The following LHFPL3 variants were observed in gnomAD, a reference collection of about 807,000 sequenced individuals.
LHFPL3 encodes the protein LHFPL tetraspan subfamily member 3, also known as LHFPL tetraspan subfamily member 3 protein.
A neutral mutation model predicts 19.3 loss-of-function variants in LHFPL3; 5 were observed. The ratio of observed to expected loss-of-function variants is 0.26; its 90% confidence interval spans 0.14 to 0.54. LHFPL3 has a LOEUF of 0.54. Among genes scored for constraint, LHFPL3 ranks in the 20% least tolerant of loss-of-function variants. The probability of loss-of-function intolerance (pLI) is 0.94; values close to 1 mark genes in which losing one functional copy is unlikely to be tolerated. For synonymous variants in LHFPL3, 133 were observed against 126.2 expected (o/e 1.05, Z -0.36); for missense variants, 249 against 307.4 (o/e 0.81, Z 1.42).
At chr7:104,407,395 G>A (rs1008193188) in intron 1 of LHFPL3, among the ~76,000 whole-genome samples, 1 of 152,220 alleles carries the variant, frequency 6.6e-6, no homozygotes, top group Non-Finnish European at 1.5e-5. Context: ...GGTGGCTCAT[G>A]CCTATAATCC....
chr7:104,348,479 A>G (rs1240865122), intron 1 of LHFPL3, among the ~76,000 whole-genome samples: 1 of 152,268 alleles, frequency 6.6e-6, no homozygotes, highest in African/African-American at 2.4e-5. Flanking sequence ...GTATATAAAT[A>G]TGGAATGACA....
intron 1 of LHFPL3, among the ~76,000 whole-genome samples, chr7:104,430,408 A>ATGTATATATATATATATATATG (rs1791955944): frequency 6.2e-5 from 2 of 32,510 alleles, no homozygotes; most frequent in Non-Finnish European, 9.7e-5. Context: ...ATATATACAT[A>ATGTATATATATATATATATATG]TATATATATA....
intron 1 of LHFPL3, among the ~76,000 whole-genome samples, chr7:104,679,439 G>A (rs1792652240): frequency 6.6e-6 from 1 of 152,232 alleles, no homozygotes; most frequent in Non-Finnish European, 1.5e-5. Flanking sequence ...TCATATTCAA[G>A]AGGTAGGGAG....
chr7:104,876,520 A>C, intron 2 of LHFPL3, among the ~76,000 whole-genome samples: 1 of 151,074 alleles, frequency 6.6e-6, no homozygotes, highest in Middle Eastern at 3.2e-3. Context: ...AAGACACATG[A>C]AAAAATGCTC....
chr7:104,495,876 C>A (rs985348480), intron 1 of LHFPL3, among the ~76,000 whole-genome samples: 1 of 152,204 alleles, frequency 6.6e-6, no homozygotes, highest in African/African-American at 2.4e-5. Context: ...ATGCTAGATA[C>A]TCTGTGTACA....
In LHFPL3 at chr7:104,608,085, C is replaced by T. The variant is rs199867342; in HGVS notation, c.446-128590C>T. 6.5e-3 allele frequency among the ~76,000 whole-genome samples: 985 copies of T among 152,120 alleles called. 21 individuals are homozygous for T. The highest frequency in any genetic ancestry group is 0.037 in the East Asian group (191 of 5,162). ...AGTTCAACCATTGTGGAAGTCACTG[C>T]GGCGATTCCTCAGGGATCTAGAACT... On this transcript the variant is annotated intron_variant, in intron 1 of 2. Transcript: ENST00000424859.
At chr7:104,555,050 T>C (rs1794738190) in intron 1 of LHFPL3, among the ~76,000 whole-genome samples, 1 of 152,176 alleles carries the variant, frequency 6.6e-6, no homozygotes, top group Non-Finnish European at 1.5e-5. Context: ...TGGTGCCTTC[T>C]CACACTGAGG....
intron 1 of LHFPL3, among the ~76,000 whole-genome samples, chr7:104,584,034 A>G (rs528885205): frequency 5.0e-4 from 76 of 152,304 alleles, no homozygotes; most frequent in Middle Eastern, 3.4e-3. Context: ...CATTATTCAC[A>G]ATAGCAAAGA....
intron 2 of LHFPL3, among the ~76,000 whole-genome samples, chr7:104,902,600 A>T (rs1792510449): frequency 6.6e-6 from 1 of 152,124 alleles, no homozygotes; most frequent in Admixed American, 6.5e-5. Flanking sequence ...CAGCCTGGCC[A>T]ACATGGTGAA....
At chr7:104,564,749 A>G (rs1409394763) in intron 1 of LHFPL3, among the ~76,000 whole-genome samples, 3 of 152,130 alleles carry the variant, frequency 2.0e-5, no homozygotes, top group Non-Finnish European at 4.4e-5. Context: ...CCCTTTAGAT[A>G]ACAGACCACT....
At chr7:104,573,426 A>T (rs1220859109) in intron 1 of LHFPL3, among the ~76,000 whole-genome samples, 4 of 150,962 alleles carry the variant, frequency 2.6e-5, no homozygotes, top group East Asian at 3.9e-4. Flanking sequence ...AAAAAAAAAG[A>T]AAGTAAGAAA....
At chr7:104,413,265 T>C (rs1292270625) in intron 1 of LHFPL3, among the ~76,000 whole-genome samples, 2 of 152,196 alleles carry the variant, frequency 1.3e-5, no homozygotes, top group Non-Finnish European at 2.9e-5. Context: ...AAACCCACAT[T>C]GACACTGGGG....
chr7:104,602,522 A>G (rs1040874238), intron 1 of LHFPL3, among the ~76,000 whole-genome samples: 1 of 152,216 alleles, frequency 6.6e-6, no homozygotes, highest in Non-Finnish European at 1.5e-5. Flanking sequence ...ACTTCTGCAT[A>G]TAAGGTGACC....
chr7:104,787,461 C>T (rs1335375107), intron 2 of LHFPL3, among the ~76,000 whole-genome samples: 1 of 152,186 alleles, frequency 6.6e-6, no homozygotes, highest in East Asian at 1.9e-4. Context: ...AAGATTAAGG[C>T]ACCAACAGAT....
chr7:104,795,654 A>G (rs1043533468), intron 2 of LHFPL3, among the ~76,000 whole-genome samples: 5 of 152,216 alleles, frequency 3.3e-5, no homozygotes, highest in African/African-American at 1.2e-4. Context: ...ATACAAGGAC[A>G]GTAAATCTAA....
At chr7:104,742,235 A>G (rs924125429) in intron 2 of LHFPL3, among the ~76,000 whole-genome samples, 1 of 152,160 alleles carries the variant, frequency 6.6e-6, no homozygotes, top group Non-Finnish European at 1.5e-5. Context: ...ACCATTCATA[A>G]AGAGGTCTGT....
At chr7:104,565,951 C>T (rs975022354) in intron 1 of LHFPL3, among the ~76,000 whole-genome samples, 19 of 151,952 alleles carry the variant, frequency 1.3e-4, no homozygotes, top group Admixed American at 1.2e-3. Flanking sequence ...TGTTAAGGCC[C>T]ACGGCCAGCC....
At chr7:104,593,967 T>C (rs1028146883) in intron 1 of LHFPL3, among the ~76,000 whole-genome samples, 13 of 152,132 alleles carry the variant, frequency 8.5e-5, no homozygotes, top group Non-Finnish European at 5.9e-5. Context: ...CTCCTGAATA[T>C]AGCACACTCA....
At chr7:104,727,571 T>A (rs912457588) in intron 1 of LHFPL3, among the ~76,000 whole-genome samples, 25 of 152,196 alleles carry the variant, frequency 1.6e-4, no homozygotes, top group African/African-American at 5.8e-4. Context: ...ACCCGGACCC[T>A]AAGCTAGGAA....
Sources: allele counts gnomAD v4.1 joint callset (sites outside exome capture counted in the v4.1 genomes callset), GRCh38; gene constraint gnomAD v4.1.1; transcripts MANE v1.5; gene names NCBI Gene and HGNC (gene_info 2026-07-23, HGNC 2026-07-21).